The following MTA1 variants were observed in gnomAD, a reference collection of about 807,000 sequenced individuals.
MTA1 encodes the protein metastasis associated 1, also known as metastasis-associated protein MTA1.
In MTA1, 15 loss-of-function variants were observed where a neutral mutation model predicts 97.0. The observed-to-expected ratio is 0.15, with a 90% confidence interval of 0.10 to 0.24. MTA1 has a LOEUF of 0.24. Among genes scored for constraint, MTA1 ranks in the 10% least tolerant of loss-of-function variants. The pLI is 1.00. For synonymous variants in MTA1, 435 were observed against 417.5 expected (o/e 1.04, Z -0.51); for missense variants, 709 against 1,015.1 (o/e 0.70, Z 4.10).
intron 1 of MTA1, among the ~76,000 whole-genome samples, chr14:105,434,266 C>T (rs587769525): frequency 1.3e-5 from 2 of 152,294 alleles, no homozygotes; most frequent in African/African-American, 4.8e-5. Context: ...TATTTTAACC[C>T]TTGACACCTT....
Position 105,466,684 on chromosome 14 carries a change from C to G in MTA1, c.1778-23C>G, listed in dbSNP as rs199776864. On this transcript the variant is annotated intron_variant, in intron 17 of 20. Transcript: ENST00000331320. ...CGTGCTGACGCTGTCTTCTCTCCCT[C>G]TCTCCCACCCCGGCGCTGCCAGGCA... The G allele has an allele frequency of 1.4e-4, 226 of 1,605,174 alleles. No homozygotes were observed. In the African/African-American group the frequency reaches 2.6e-3, roughly 18 times the overall value.
intron 3 of MTA1, among the ~76,000 whole-genome samples, chr14:105,448,801 C>T (rs1313136557): frequency 6.6e-6 from 1 of 152,266 alleles, no homozygotes; most frequent in Non-Finnish European, 1.5e-5. Context: ...GCAGGCACCA[C>T]AAGGGGGCCG....
intron 1 of MTA1, among the ~76,000 whole-genome samples, chr14:105,426,304 A>G (rs2082010249): frequency 2.1e-5 from 3 of 142,144 alleles, no homozygotes; most frequent in African/African-American, 7.8e-5. Context: ...AAATGAGCCC[A>G]TGGATGTTGC....
intron 1 of MTA1, among the ~76,000 whole-genome samples, chr14:105,432,896 C>T (rs925185425): frequency 5.3e-5 from 8 of 152,090 alleles, no homozygotes; most frequent in South Asian, 2.1e-4. Flanking sequence ...GACTTCCATG[C>T]GAGTGCAAGG....
intron 18 of MTA1, among the ~76,000 whole-genome samples, chr14:105,468,580 G>A (rs1454632841): frequency 1.3e-5 from 2 of 152,226 alleles, no homozygotes; most frequent in Non-Finnish European, 2.9e-5. Flanking sequence ...AACTGCAGGT[G>A]GGGAGGGGCT....
chr14:105,464,841 C>T lies in MTA1; in HGVS notation c.1512C>T (p.Asn504=). Residue 504 remains asparagine (N), a synonymous_variant, in exon 15 of 21, where the codon AAC becomes AAT. Coordinates refer to ENST00000331320, the MANE Select transcript of MTA1 (RefSeq NM_004689.4). The stretch of plus-strand genomic sequence containing the variant: ...CGCGGCACCCCTACCTGCCCATCAA[C>T]AGCGCGGCCATCAAGGCCGAGTGTG... The part of the protein sequence containing the change: ...HAARHPYLPI[N]SAAIKAECTA... 2 of 1,584,620 alleles carry T rather than the reference C, an allele frequency of 1.3e-6. No individual in the cohort carries two copies. Among genetic ancestry groups the T allele is most frequent in the Admixed American group, 1.8e-5 (1 of 56,922 alleles).
At chr14:105,427,710 A>G (rs2082053744) in intron 1 of MTA1, among the ~76,000 whole-genome samples, 1 of 151,968 alleles carries the variant, frequency 6.6e-6, no homozygotes, top group African/African-American at 2.4e-5. Flanking sequence ...GGGTGCGTGT[A>G]TATTTTTTTA....
In MTA1 at chr14:105,450,634, G is replaced by A. The variant is rs1326061693; in HGVS notation, c.432+310G>A. On this transcript the variant is annotated intron_variant, in intron 6 of 20. Transcript: ENST00000331320. ...GGTGTGGCTGAGGCAGGTGGGGGCA[G>A]GGGCCACCTGAGTCTTCGCAGGAGT... Among the ~76,000 whole-genome samples the A allele has an allele frequency of 2.0e-5, 3 of 152,202 alleles. No homozygotes were observed. In the South Asian group the frequency reaches 6.2e-4, roughly 31 times the overall value.
intron 15 of MTA1, 48 bp downstream of exon 15, chr14:105,464,911 G>T: frequency 1.3e-6 from 2 of 1,513,340 alleles, no homozygotes; most frequent in Non-Finnish European, 1.8e-6. Flanking sequence ...GGGTGGTGGG[G>T]AGAGAGCAGC....
chr14:105,453,754 T>G (rs1361899062), intron 6 of MTA1, among the ~76,000 whole-genome samples: 6 of 152,108 alleles, frequency 3.9e-5, no homozygotes, highest in African/African-American at 1.4e-4. Context: ...GAGGTTGCAG[T>G]GAGCCGAGAT....
In MTA1 at chr14:105,466,428, A is replaced by ACCCACCCCCCCCCCCC; in HGVS notation, c.1636_1637insCCCCCCCCCCACCCCC (p.Arg546ProfsTer11). 1.3e-6 allele frequency: 1 copy of ACCCACCCCCCCCCCCC among 795,154 alleles called. No individual in the cohort carries two copies. 49.3% of individuals were successfully genotyped at this position (795,154 alleles called of 1,614,324 possible). On this transcript the variant is annotated frameshift_variant, in exon 17 of 21. Coordinates refer to ENST00000331320, the MANE Select transcript of MTA1 (RefSeq NM_004689.4). LOFTEE classifies it high-confidence loss of function. ...TCTGCCTGTGTCATTCCCGGCAGAG[A>ACCCACCCCCCCCCCCC]CCCACCCCCGCCCCCCCAAGCCTGA...
At chr14:105,469,747 G>GA (rs1555433847) in intron 19 of MTA1, 94 bp from the exon 20 acceptor site, 4 of 1,427,788 alleles carry the variant, frequency 2.8e-6, no homozygotes, top group Non-Finnish European at 1.9e-6. Context: ...GTGGTGGGGG[G>GA]TTGGCCAGGC....
In MTA1 at chr14:105,424,980, G is replaced by A. The variant is rs2081966498; in HGVS notation, c.28+4917G>A. 6.6e-6 allele frequency among the ~76,000 whole-genome samples: 1 copy of A among 152,226 alleles called. No individual in the cohort carries two copies. Among genetic ancestry groups the A allele is most frequent in the Non-Finnish European group, 1.5e-5 (1 of 68,032 alleles). The stretch of plus-strand genomic sequence containing the variant: ...GTGTCAAAACTGCTGCAGTGGCCCT[G>A]CAGGCATCCTACCTAGAGGTGGGTC... On this transcript the variant is annotated intron_variant, in intron 1 of 20. Transcript: ENST00000331320. This position sits in a 1 kb window ranked among gnomAD's most constrained non-coding sequence, Gnocchi z 4.0.
rs143473048 is a variant in MTA1, at chr14:105,445,480, C to T, written c.159C>T (p.Ser53=). ...VCFYRRRDIS[S]TLIALADKHA... ...TCTACCGGAGGCGGGACATCTCCAG[C>T]ACCCTCATCGCCCTGGCCGACAAGC... The change falls in exon 3 of 21, where the codon AGC becomes AGT. Residue 53 remains serine, a synonymous_variant. Transcript: ENST00000331320. 3.5e-4 allele frequency: 564 copies of T among 1,613,462 alleles called. 2 individuals are homozygous for T. Among genetic ancestry groups the T allele is most frequent in the Middle Eastern group, 2.1e-3 (13 of 6,078 alleles).
intron 7 of MTA1, among the ~76,000 whole-genome samples, chr14:105,456,905 G>C (rs1350147523): frequency 2.0e-5 from 3 of 152,226 alleles, no homozygotes; most frequent in Non-Finnish European, 4.4e-5. Context: ...TTGTTTCCTA[G>C]AGGCCGCATG....
rs973192918 is a variant in MTA1 at position 105,466,571 on chromosome 14, G to A, written c.1770G>A (p.Gly590=). The A allele has an allele frequency of 1.3e-6, 2 of 1,576,230 alleles. No homozygotes were observed. Among genetic ancestry groups the A allele is most frequent in the African/African-American group, 2.7e-5 (2 of 74,034 alleles). ...LGKRSYEQHN[G]VDGNMKKRLL... ...AGCGCAGCTACGAGCAGCACAACGG[G>A]GTGGACGGTGAGTGGCCCCCCCGCC... Residue 590 remains glycine (G), a synonymous_variant, in exon 17 of 21, where the codon GGG becomes GGA. Coordinates refer to ENST00000331320, the MANE Select transcript of MTA1 (RefSeq NM_004689.4).
chr14:105,425,284 A>G (rs587728925), intron 1 of MTA1, among the ~76,000 whole-genome samples: 2 of 152,046 alleles, frequency 1.3e-5, no homozygotes, highest in Non-Finnish European at 2.9e-5. Flanking sequence ...GGAGCATGTA[A>G]TTATGTTTTT....
At chr14:105,460,312 G>C (rs587685360) in intron 8 of MTA1, 46 bp from the exon 9 acceptor site, 1 of 1,541,062 alleles carries the variant, frequency 6.5e-7, no homozygotes, top group Non-Finnish European at 8.8e-7. Context: ...CCTGTGGGGA[G>C]TCCCTGCTTG....
chr14:105,421,396 G>C (rs2081831480), intron 1 of MTA1, among the ~76,000 whole-genome samples: 1 of 152,174 alleles, frequency 6.6e-6, no homozygotes, highest in Non-Finnish European at 1.5e-5. Context: ...CTGACATGAG[G>C]GCCCAGTTTC....
Sources: gnomAD v4.1 joint callset for allele counts (sites outside exome capture counted in the v4.1 genomes callset) on GRCh38, gnomAD v4.1.1 for gene constraint, Gnocchi (gnomAD v3.1) non-coding constraint, MANE v1.5 for transcripts, NCBI Gene and HGNC (gene_info 2026-07-23, HGNC 2026-07-21) for gene names.